TRPM8: variants seen among roughly 807,000 people sequenced by gnomAD.
TRPM8 encodes the protein TRPM8 cationic channel.
A neutral mutation model predicts 133.7 loss-of-function variants in TRPM8; 110 were observed. The observed-to-expected ratio is 0.82, with a 90% CI of 0.70 to 0.96. TRPM8 has a LOEUF of 0.96. Among genes scored for constraint, TRPM8 ranks in the 40% least tolerant of loss-of-function variants. The pLI is 0.00. For missense variants in TRPM8, 1,291 were observed against 1,379.5 expected (o/e 0.94, Z 1.02); for synonymous variants, 535 against 532.3 (o/e 1.01, Z -0.07).
At chr2:234,007,479 T>G (rs995922616) in intron 23 of TRPM8, among the ~76,000 whole-genome samples, 1 of 152,246 alleles carries the variant, frequency 6.6e-6, no homozygotes, top group Admixed American at 6.5e-5. Context: ...AGAAATACGT[T>G]GATTAAACAT....
rs1393771400 is a variant in TRPM8 at position 233,990,549 on chromosome 2, A to G, written c.2939+4684A>G. 2.6e-5 allele frequency among the ~76,000 whole-genome samples: 4 copies of G among 152,346 alleles called. No homozygotes were observed. The East Asian group carries it at 7.7e-4, about 29-fold the overall frequency. Reference sequence around the variant, plus strand: ...TGCTAGTACATCCATCGCATGTCTTATAAGCATTTTAAATCTCCACCTGGG... The same window carrying G: ...TGCTAGTACATCCATCGCATGTCTTGTAAGCATTTTAAATCTCCACCTGGG... On this transcript the variant is annotated intron_variant, in intron 21 of 25. Coordinates refer to ENST00000324695, the MANE Select transcript of TRPM8 (RefSeq NM_024080.5).
At chr2:233,985,994 G>A in intron 21 of TRPM8, 129 bp downstream of exon 21, 1 of 866,618 alleles carries the variant, frequency 1.2e-6, no homozygotes, top group South Asian at 1.8e-5. Flanking sequence ...TGGGGGATTG[G>A]TGGACTGGAG....
intron 21 of TRPM8, among the ~76,000 whole-genome samples, chr2:233,992,678 G>A (rs1305696139): frequency 1.3e-5 from 2 of 152,154 alleles, no homozygotes; most frequent in African/African-American, 4.8e-5. Flanking sequence ...GACGCCAAGG[G>A]CACAAGATAT....
chr2:233,974,686 A>C (rs897021166), intron 17 of TRPM8, among the ~76,000 whole-genome samples: 1 of 152,164 alleles, frequency 6.6e-6, no homozygotes, highest in African/African-American at 2.4e-5. Context: ...ACTCATAGGC[A>C]GGATCTTGAG....
At chr2:233,997,215 A>C (rs1463813923) in intron 22 of TRPM8, among the ~76,000 whole-genome samples, 1 of 151,294 alleles carries the variant, frequency 6.6e-6, no homozygotes, top group Non-Finnish European at 1.5e-5. Flanking sequence ...TGGAGGATGC[A>C]GTGAGCCGAG....
intron 21 of TRPM8, among the ~76,000 whole-genome samples, chr2:233,993,382 C>T (rs1692329538): frequency 6.6e-6 from 1 of 152,210 alleles, no homozygotes; most frequent in Non-Finnish European, 1.5e-5. Context: ...GGGAATGATA[C>T]AAACACAAAG....
rs59958920 is a variant in TRPM8, at chr2:233,981,518, G to T, written c.2448-256G>T. On this transcript the variant is annotated intron_variant, in intron 18 of 25. Coordinates refer to ENST00000324695, the MANE Select transcript of TRPM8 (RefSeq NM_024080.5). ...CTGCTGTAGTGTGTGAGGATGGCGGGCTAAAGAGACAGGAACCTCCGAGAG... is the reference window on the plus strand; with the variant it reads ...CTGCTGTAGTGTGTGAGGATGGCGGTCTAAAGAGACAGGAACCTCCGAGAG... 6.8e-3 allele frequency among the ~76,000 whole-genome samples: 1,041 copies of T among 152,140 alleles called. 15 individuals carry two copies. The highest frequency in any genetic ancestry group is 0.024 in the African/African-American group (988 of 41,496).
At chr2:233,937,637 G>T in intron 4 of TRPM8, 128 bp downstream of exon 4, 2 of 1,107,706 alleles carry the variant, frequency 1.8e-6, no homozygotes, top group Middle Eastern at 3.1e-4. Flanking sequence ...AAAAACGATT[G>T]CAGAAAAAGA....
At chr2:233,934,221 G>A (rs1215434191) in intron 3 of TRPM8, among the ~76,000 whole-genome samples, 1 of 152,122 alleles carries the variant, frequency 6.6e-6, no homozygotes, top group Non-Finnish European at 1.5e-5. Context: ...GGGGTACTCA[G>A]CAGGTCCCCT....
At chr2:233,926,358 G>A (rs541832166) in intron 1 of TRPM8, among the ~76,000 whole-genome samples, 175 bp from the exon 2 acceptor site, 20 of 152,264 alleles carry the variant, frequency 1.3e-4, no homozygotes, top group Non-Finnish European at 2.4e-4. Context: ...GGTCTTGGAG[G>A]GTAAAGAGGA....
intron 7 of TRPM8, chr2:233,946,285 G>T: frequency 2.6e-6 from 1 of 379,148 alleles, no homozygotes; most frequent in Non-Finnish European, 4.8e-6. Flanking sequence ...TGGTTTGTTA[G>T]TATCAAAAGC....
intron 24 of TRPM8, among the ~76,000 whole-genome samples, chr2:234,008,612 G>T (rs946716542): frequency 6.6e-6 from 1 of 152,158 alleles, no homozygotes; most frequent in Non-Finnish European, 1.5e-5. Flanking sequence ...CAATCGATTC[G>T]TATATGCTAG....
chr2:233,943,346 A>T (rs1217586534), intron 6 of TRPM8, among the ~76,000 whole-genome samples: 1 of 152,134 alleles, frequency 6.6e-6, no homozygotes, highest in Non-Finnish European at 1.5e-5. Flanking sequence ...AGGCTGGATT[A>T]AGAAAATGTG....
At chr2:233,992,687 A>T (rs375487211) in intron 21 of TRPM8, among the ~76,000 whole-genome samples, 1 of 152,194 alleles carries the variant, frequency 6.6e-6, no homozygotes, top group Non-Finnish European at 1.5e-5. Context: ...GGCACAAGAT[A>T]TCGCTGGAGA....
chr2:233,942,298 A>G (rs1014962683), intron 5 of TRPM8, among the ~76,000 whole-genome samples: 1 of 151,960 alleles, frequency 6.6e-6, no homozygotes, highest in Non-Finnish European at 1.5e-5. Flanking sequence ...CAGGCTGGTC[A>G]TGAACTCCTG....
intron 1 of TRPM8, among the ~76,000 whole-genome samples, chr2:233,921,820 G>A (rs1173288940): frequency 2.0e-5 from 3 of 151,486 alleles, no homozygotes; most frequent in South Asian, 2.1e-4. Context: ...ACAGGTGCCC[G>A]CCACCACACC....
chr2:234,014,824 A>C, intron 25 of TRPM8, 170 bp downstream of exon 25: 1 of 413,494 alleles, frequency 2.4e-6, no homozygotes, highest in Non-Finnish European at 4.3e-6. Context: ...AACAAGTTGA[A>C]GTTCCTCCTC....
chr2:233,948,249 C>A (rs1007325214), intron 8 of TRPM8, among the ~76,000 whole-genome samples: 1 of 152,008 alleles, frequency 6.6e-6, no homozygotes, highest in Non-Finnish European at 1.5e-5. Context: ...TATTGAGTAC[C>A]CGCTATGAAA....
intron 21 of TRPM8, among the ~76,000 whole-genome samples, chr2:233,995,009 C>A (rs899240989): frequency 1.3e-5 from 2 of 152,210 alleles, no homozygotes; most frequent in African/African-American, 4.8e-5. Flanking sequence ...TGAAGCATAT[C>A]TCAAACCCAT....
Sources: allele counts gnomAD v4.1 joint callset (sites outside exome capture counted in the v4.1 genomes callset), GRCh38; gene constraint gnomAD v4.1.1; transcripts MANE v1.5; gene names NCBI Gene and HGNC (gene_info 2026-07-23, HGNC 2026-07-21).